CD7: variants seen among roughly 807,000 people sequenced by gnomAD.
CD7 encodes the protein T-cell antigen CD7.
CD7 carries 19 observed loss-of-function variants against 17.6 expected under a neutral mutation model. That is an observed-to-expected ratio of 1.08 (90% CI 0.75 to 1.58). The LOEUF (loss-of-function observed/expected upper bound fraction) is 1.58, where lower values mean the gene tolerates loss of function less well. Ranked by LOEUF, CD7 falls within the 40% of genes most tolerant of loss-of-function variation. The probability of loss-of-function intolerance (pLI) is 0.00; values close to 1 mark genes in which losing one functional copy is unlikely to be tolerated. For synonymous variants in CD7, 160 were observed against 159.8 expected (o/e 1.00, Z -0.01); for missense variants, 291 against 327.1 (o/e 0.89, Z 0.85).
intron 2 of CD7, 126 bp downstream of exon 2, chr17:82,316,541 G>A: frequency 7.7e-7 from 1 of 1,293,258 alleles, no homozygotes; most frequent in Non-Finnish European, 1.1e-6. Flanking sequence ...GCTGGGGGCA[G>A]TGGGCTGGGA....
Position 82,316,963 on chromosome 17 carries a change from T to C in CD7, c.101A>G (p.His34Arg). Residue 34 changes from histidine to arginine, a missense_variant, in exon 2 of 4, where the codon CAC becomes CGC. Coordinates refer to ENST00000312648, the MANE Select transcript of CD7 (RefSeq NM_006137.7). ...GGCTCCCACGGGGACAGTCGTGCAG[T>C]GGGGAGACTGCTGCACCTCTGGGGA... ...LAAQEVQQSP[H>R]CTTVPVGASV... 2 of 1,595,066 alleles carry C rather than the reference T, an allele frequency of 1.3e-6. No individual in the cohort carries two copies. The highest frequency in any genetic ancestry group is 1.7e-6 in the Non-Finnish European group (2 of 1,174,696).
chr17:82,316,442 C>G (rs373351720), intron 2 of CD7, 33 bp from the exon 3 acceptor site: 2 of 1,515,716 alleles, frequency 1.3e-6, no homozygotes, highest in East Asian at 2.4e-5. Flanking sequence ...GGGATTCTCC[C>G]GGTGGAGAAC....
Position 82,315,426 on chromosome 17 carries a change from C to G in CD7, c.618G>C (p.Lys206Asn), listed in dbSNP as rs760915399. The G allele has an allele frequency of 1.7e-5, 28 of 1,613,510 alleles. No homozygotes were observed. In the East Asian group the frequency reaches 5.3e-4, roughly 31 times the overall value. ...VACVLARTQIKKLCSWRDKNS... is the reference protein window; with the variant it reads ...VACVLARTQINKLCSWRDKNS... ...TCTTATCCCGCCACGAGCACAGTTT[C>G]TTTATCTGAAAGACAGAACCGCCGT... Residue 206 changes from lysine to asparagine, a missense_variant, in exon 4 of 4, where the codon AAG becomes AAC. Physicochemically the swap from Lys to Asn is moderately conservative, Grantham distance 94 (BLOSUM62 0). Coordinates refer to ENST00000312648, the MANE Select transcript of CD7 (RefSeq NM_006137.7).
In CD7 at chr17:82,316,895, T is replaced by G; in HGVS notation, c.169A>C (p.Ile57Leu). The G allele has an allele frequency of 6.2e-7, 1 of 1,613,070 alleles. No individual in the cohort carries two copies. The highest frequency in any genetic ancestry group is 8.5e-7 in the Non-Finnish European group (1 of 1,179,936). ...TGTGGCCCGAGCTGCCTCAGGTAGA[T>G]CCCACGCAGGCCCCCGCTGGTGGAG... ...TCSTSGGLRG[I>L]YLRQLGPQPQ... Residue 57 changes from isoleucine to leucine, a missense_variant, in exon 2 of 4, where the codon ATC (isoleucine) becomes CTC (leucine). Ile to Leu is a conservative substitution (Grantham distance 5). Coordinates refer to ENST00000312648, the MANE Select transcript of CD7 (RefSeq NM_006137.7).
In CD7 at chr17:82,315,948, C is replaced by A. The variant is rs551655873; in HGVS notation, c.612+247G>T. 1.0e-4 allele frequency: 64 copies of A among 630,280 alleles called. No individual in the cohort carries two copies. The African/African-American group carries it at 1.1e-3, about 11-fold the overall frequency. 39.0% of individuals were successfully genotyped at this position (630,280 alleles called of 1,614,324 possible). ...CCTCAGAGATCCCCCCTCAGACACT[C>A]ACACCTGCACACGCGCACACGCGCA... is the stretch of plus-strand genomic sequence containing the variant. On this transcript the variant is annotated intron_variant, in intron 3 of 3. Coordinates refer to ENST00000312648, the MANE Select transcript of CD7 (RefSeq NM_006137.7).
In CD7 at chr17:82,315,101, G is replaced by T; in HGVS notation, c.*220C>A. On this transcript the variant is annotated 3_prime_UTR_variant, in exon 4 of 4. Coordinates refer to ENST00000312648, the MANE Select transcript of CD7 (RefSeq NM_006137.7). ...TCCCGGTGGCGGCGTGGGCTGGGCAGGGAAGGCTTCCCGGAGGAGGCATCA... is the reference window on the plus strand; with the variant it reads ...TCCCGGTGGCGGCGTGGGCTGGGCATGGAAGGCTTCCCGGAGGAGGCATCA... The T allele has an allele frequency of 1.9e-6, 1 of 526,460 alleles. No homozygotes were observed. The highest frequency in any genetic ancestry group is 3.5e-6 in the Non-Finnish European group (1 of 287,994). The allele number at this position is 526,460 out of a possible 1,614,324, so 32.6% of individuals were successfully genotyped here.
intron 2 of CD7, 104 bp from the exon 3 acceptor site, chr17:82,316,513 G>T: frequency 1.7e-6 from 2 of 1,207,326 alleles, no homozygotes; most frequent in Middle Eastern, 2.2e-4. Flanking sequence ...GGGAGGAGGG[G>T]CAGCTATCTA....
Position 82,317,554 on chromosome 17 carries a change from A to G in CD7, c.-59T>C. 7.0e-7 allele frequency: 1 copy of G among 1,437,724 alleles called. No homozygotes were observed. The highest frequency in any genetic ancestry group is 9.4e-7 in the Non-Finnish European group (1 of 1,062,872). 89.1% of individuals were successfully genotyped at this position (1,437,724 alleles called of 1,614,324 possible). Reference sequence around the variant, plus strand: ...TGCAGCTGAGCCTCTCTGGGTCTACAGGACCCCACAGAGAGCAGCACACAG... The same window carrying G: ...TGCAGCTGAGCCTCTCTGGGTCTACGGGACCCCACAGAGAGCAGCACACAG... On this transcript the variant is annotated 5_prime_UTR_variant, in exon 1 of 4. Transcript: ENST00000312648.
intron 1 of CD7, 109 bp downstream of exon 1, chr17:82,317,305 C>A (rs2147261092): frequency 8.9e-7 from 1 of 1,128,764 alleles, no homozygotes; most frequent in Non-Finnish European, 1.3e-6. Context: ...CCGCTCAGCA[C>A]CCCACCCGCT....
At chr17:82,317,108 C>A (rs928097540) in intron 1 of CD7, 127 bp from the exon 2 acceptor site, 9 of 857,030 alleles carry the variant, frequency 1.1e-5, no homozygotes, top group African/African-American at 1.0e-4. Flanking sequence ...GCCAAAGACA[C>A]GGTGCCTTAC....
In CD7 at chr17:82,317,598, A is replaced by C; in HGVS notation, c.-103T>G. The C allele has an allele frequency of 9.1e-7, 1 of 1,097,162 alleles. No individual in the cohort carries two copies. Among genetic ancestry groups the C allele is most frequent in the Non-Finnish European group, 1.3e-6 (1 of 787,586 alleles). The allele number at this position is 1,097,162 out of a possible 1,614,324, so 68.0% of individuals were successfully genotyped here. ...CACACAGGAGACCGCAGGCGCTCAG[A>C]GCTCAGAGAGGGCTTCCTGGAGGCG... is the stretch of plus-strand genomic sequence containing the variant. On this transcript the variant is annotated 5_prime_UTR_variant, in exon 1 of 4. Coordinates refer to ENST00000312648, the MANE Select transcript of CD7 (RefSeq NM_006137.7).
At position 82,315,229 on chromosome 17, in the gene CD7, A is replaced by AGCAGGGTGAGGGGTGTG. The variant is rs2051996903; in HGVS notation, c.*75_*91dup. 4.2e-6 allele frequency: 3 copies of AGCAGGGTGAGGGGTGTG among 713,952 alleles called. No individual in the cohort carries two copies. Among genetic ancestry groups the AGCAGGGTGAGGGGTGTG allele is most frequent in the Non-Finnish European group, 6.8e-6 (3 of 443,394 alleles). 44.2% of individuals were successfully genotyped at this position (713,952 alleles called of 1,614,324 possible). ...AACTCTGCTGCAGCCGTGGGAGGAC[A>AGCAGGGTGAGGGGTGTG]GCAGGGTGAGGGGTGTGGCAGGGTG... On this transcript the variant is annotated 3_prime_UTR_variant, in exon 4 of 4. Transcript: ENST00000312648.
chr17:82,317,236 A>T (rs1230171537), intron 1 of CD7, 178 bp downstream of exon 1: 1 of 702,946 alleles, frequency 1.4e-6, no homozygotes, highest in South Asian at 1.9e-5. Flanking sequence ...AGCCCCGGCC[A>T]CTCCCCACCG....
intron 1 of CD7, 189 bp from the exon 2 acceptor site, chr17:82,317,170 C>T (rs1422305038): frequency 1.5e-6 from 1 of 664,254 alleles, no homozygotes; most frequent in Non-Finnish European, 2.5e-6. Context: ...GAGGTGCTGT[C>T]CTCGTGTTCC....
chr17:82,316,214 C>G lies in CD7; in HGVS notation c.593G>C (p.Cys198Ser). 1.3e-6 allele frequency: 2 copies of G among 1,563,796 alleles called. No homozygotes were observed. Among genetic ancestry groups the G allele is most frequent in the Non-Finnish European group, 1.7e-6 (2 of 1,153,680 alleles). The change falls in exon 3 of 4, where the codon TGT (cysteine) becomes TCT (serine). Residue 198 changes from cysteine to serine, a missense_variant. Coordinates refer to ENST00000312648, the MANE Select transcript of CD7 (RefSeq NM_006137.7). Reference protein sequence around the residue: ...FLLGLGLGVACVLARTQIKKL... With the variant: ...FLLGLGLGVASVLARTQIKKL... ...ACTGACCTGTGTCCTCGCCAGCACACACGCCACCCCCAGGCCCAGCCCGAG... is the reference window on the plus strand; with the variant it reads ...ACTGACCTGTGTCCTCGCCAGCACAGACGCCACCCCCAGGCCCAGCCCGAG...
chr17:82,315,568 C>G, intron 3 of CD7, 137 bp from the exon 4 acceptor site: 1 of 659,522 alleles, frequency 1.5e-6, no homozygotes, highest in Non-Finnish European at 2.7e-6. Flanking sequence ...CTCCTGAGCC[C>G]CAGGGCTTCC....
In CD7 at chr17:82,315,319, G is replaced by A; in HGVS notation, c.*2C>T. 1 of 1,607,328 alleles carries A rather than the reference G, an allele frequency of 6.2e-7. No individual in the cohort carries two copies. The highest frequency in any genetic ancestry group is 1.7e-5 in the Admixed American group (1 of 59,968). On this transcript the variant is annotated 3_prime_UTR_variant, in exon 4 of 4. Coordinates refer to ENST00000312648, the MANE Select transcript of CD7 (RefSeq NM_006137.7). ...AGGCGGGACGTGCAGGGGCCCACTG[G>A]GTCACTGGTACTGGTTGGGGGAGGA...
At chr17:82,316,090 C>T (rs958404754) in intron 3 of CD7, 105 bp downstream of exon 3, 22 of 1,189,196 alleles carry the variant, frequency 1.8e-5, no homozygotes, top group South Asian at 1.0e-4. Flanking sequence ...GCAGAGGAGG[C>T]GGCGGGTACC....
In CD7 at chr17:82,315,039, T is replaced by G; in HGVS notation, c.*282A>C. The G allele has an allele frequency of 2.9e-5, 11 of 377,100 alleles. No homozygotes were observed. Among genetic ancestry groups the G allele is most frequent in the Non-Finnish European group, 4.1e-5 (8 of 194,988 alleles). 23.4% of individuals were successfully genotyped at this position (377,100 alleles called of 1,614,324 possible). On this transcript the variant is annotated 3_prime_UTR_variant, in exon 4 of 4. Transcript: ENST00000312648. ...CCCACAGAAAAGCCCTCCTTGGCCA[T>G]GGTCGGGAGATGCAGCCAAAGGACA...
Sources: allele counts gnomAD v4.1 joint callset, GRCh38; gene constraint gnomAD v4.1.1; transcripts MANE v1.5; gene names NCBI Gene and HGNC (gene_info 2026-07-23, HGNC 2026-07-21).